The following CACNA1B variants were observed in gnomAD, a reference collection of about 807,000 sequenced individuals.
The protein encoded by CACNA1B is calcium voltage-gated channel subunit alpha1 B, also known as voltage-dependent N-type calcium channel subunit alpha-1B.
A neutral mutation model predicts 247.2 loss-of-function variants in CACNA1B; 70 were observed. The observed-to-expected ratio is 0.28, with a 90% CI of 0.23 to 0.35. CACNA1B has a LOEUF of 0.35. Ranked by LOEUF, CACNA1B falls within the 10% of genes least tolerant of loss-of-function variation. The pLI, the probability that CACNA1B is intolerant of heterozygous loss-of-function variation, is 1.00. For synonymous variants in CACNA1B, 1,231 were observed against 1,294.4 expected, an observed-to-expected ratio of 0.95 and a Z score of 1.05; for missense variants, 2,367 against 3,197.4, an observed-to-expected ratio of 0.74 and a Z score of 6.26.
chr9:138,108,216 G>A (rs1346644770), intron 39 of CACNA1B, among the ~76,000 whole-genome samples: 2 of 148,084 alleles, frequency 1.4e-5, no homozygotes, highest in African/African-American at 5.0e-5. Flanking sequence ...GAACGCCTGT[G>A]CTCCCAGCTG....
chr9:138,060,874 C>G (rs184522402), intron 31 of CACNA1B, among the ~76,000 whole-genome samples: 2 of 152,150 alleles, frequency 1.3e-5, no homozygotes, highest in Non-Finnish European at 2.9e-5. Context: ...CCGTTCCCCC[C>G]ACCCTTTCTA....
chr9:138,120,354 T>C lies in CACNA1B; in HGVS notation c.6220T>C (p.Ser2074Pro). Residue 2074 changes from serine (S) to proline (P), a missense_variant, in exon 45 of 47, where the codon TCT (serine) becomes CCT (proline). Physicochemically the swap from Ser to Pro is moderately conservative, Grantham distance 74. Transcript: ENST00000371372. ...GTCCCTGGAGAAGGGGCCCAGCCTG[T>C]CTGCCGATATGGATGGCGGTGCGTG... Reference protein sequence around the residue: ...QRSLEKGPSLSADMDGAPSSA... With the variant: ...QRSLEKGPSLPADMDGAPSSA... 1 of 1,555,204 alleles carries C rather than the reference T, an allele frequency of 6.4e-7. No homozygotes were observed. The highest frequency in any genetic ancestry group is 8.6e-7 in the Non-Finnish European group (1 of 1,156,556).
In CACNA1B at chr9:138,059,108, G is replaced by A. The variant is rs1388466870; in HGVS notation, c.4503G>A (p.Leu1501=). 5 of 1,612,466 alleles carry A rather than the reference G, an allele frequency of 3.1e-6. No individual in the cohort carries two copies. The highest frequency in any genetic ancestry group is 4.2e-6 in the Non-Finnish European group (5 of 1,178,684). The part of the protein sequence containing the change: ...KFYDAPYEYE[L]MLKCLNIVFT... ...ATGATGCACCCTATGAGTACGAGCT[G>A]ATGCTGAAATGCCTGAACATCGTGT... The change falls in exon 30 of 47, where the codon CTG becomes CTA. Residue 1501 remains leucine (L), a synonymous_variant. Coordinates refer to ENST00000371372, the MANE Select transcript of CACNA1B (RefSeq NM_000718.4). The surrounding 1 kb of genome is among the most constrained non-coding windows in gnomAD (Gnocchi z 4.2).
At chr9:137,958,742 A>G (rs1392913500) in intron 10 of CACNA1B, among the ~76,000 whole-genome samples, 1 of 152,168 alleles carries the variant, frequency 6.6e-6, no homozygotes, top group Non-Finnish European at 1.5e-5. Flanking sequence ...GCGACCCCAC[A>G]TTCCATCCAC....
At position 137,919,693 on chromosome 9, in the gene CACNA1B, C is replaced by T. The variant is rs1305845004; in HGVS notation, c.966+2262C>T. Among the ~76,000 whole-genome samples the T allele has an allele frequency of 2.0e-5, 3 of 152,246 alleles. No individual in the cohort carries two copies. The highest frequency in any genetic ancestry group is 3.8e-4 in the East Asian group (2 of 5,200). On this transcript the variant is annotated intron_variant, in intron 6 of 46. Coordinates refer to ENST00000371372, the MANE Select transcript of CACNA1B (RefSeq NM_000718.4). This position sits in a 1 kb window ranked among gnomAD's most constrained non-coding sequence, Gnocchi z 4.6. ...TGGGTTCTTTGTGGGCGGAAGCCCA[C>T]GGCCTGCAGTAGGGGTGGAGGCAGA...
chr9:138,052,232 G>A lies in CACNA1B; in HGVS notation c.3807+44G>A, dbSNP rs779130536. The A allele has an allele frequency of 1.2e-5, 12 of 1,034,126 alleles. No homozygotes were observed. Among genetic ancestry groups the A allele is most frequent in the Non-Finnish European group, 1.8e-5 (12 of 675,642 alleles). The allele number at this position is 1,034,126 out of a possible 1,614,324, so 64.1% of individuals were successfully genotyped here. On this transcript the variant is annotated intron_variant, in intron 25 of 46. Coordinates refer to ENST00000371372, the MANE Select transcript of CACNA1B (RefSeq NM_000718.4). This position sits in a 1 kb window ranked among gnomAD's most constrained non-coding sequence, Gnocchi z 5.1. The stretch of plus-strand genomic sequence containing the variant: ...GGCTTGAGGGATGTGCTGTGTGTGT[G>A]TGCGTGTGTGTGTGTGCGTGTGTGT...
At position 138,052,868 on chromosome 9, in the gene CACNA1B, G is replaced by C. The variant is rs1479132259; in HGVS notation, c.3807+680G>C. 4.6e-5 allele frequency among the ~76,000 whole-genome samples: 7 copies of C among 152,212 alleles called. No homozygotes were observed. Among genetic ancestry groups the C allele is most frequent in the South Asian group, 2.1e-4 (1 of 4,836 alleles). ...CCCTGGCACCGAGTGGCGCTGTGCA[G>C]TGGTCATCCACAGTGTGCCAGGCTG... On this transcript the variant is annotated intron_variant, in intron 25 of 46. Transcript: ENST00000371372. The surrounding 1 kb of genome is among the most constrained non-coding windows in gnomAD (Gnocchi z 5.1).
In CACNA1B at chr9:138,052,316, G is replaced by T. The variant is rs1459852174; in HGVS notation, c.3807+128G>T. ...GTTCACATCACACCCCTGTGTGAGG[G>T]GGTTGGGCTCACTCAGCTGTAAGCC... On this transcript the variant is annotated intron_variant, in intron 25 of 46. Transcript: ENST00000371372. The surrounding 1 kb of genome is among the most constrained non-coding windows in gnomAD (Gnocchi z 5.1). 1 of 613,846 alleles carries T rather than the reference G, an allele frequency of 1.6e-6. No homozygotes were observed. Among genetic ancestry groups the T allele is most frequent in the South Asian group, 1.9e-5 (1 of 53,932 alleles). 38.0% of individuals were successfully genotyped at this position (613,846 alleles called of 1,614,324 possible). A position where few individuals can be genotyped will look rare whatever the true frequency, so the allele number is the denominator to read the frequency against.
chr9:138,081,251 G>A (rs754024526), intron 36 of CACNA1B, among the ~76,000 whole-genome samples: 2 of 152,316 alleles, frequency 1.3e-5, no homozygotes, highest in South Asian at 2.1e-4. Context: ...AGGATGAGTC[G>A]AGGAATCCTT....
intron 32 of CACNA1B, among the ~76,000 whole-genome samples, chr9:138,071,093 G>T (rs1325646026): frequency 1.3e-5 from 2 of 152,250 alleles, no homozygotes; most frequent in African/African-American, 4.8e-5. Context: ...ACGGTGTCCT[G>T]CAGTGCTAAG....
At chr9:137,911,328 G>T (rs1011660541) in intron 3 of CACNA1B, among the ~76,000 whole-genome samples, 8 of 151,986 alleles carry the variant, frequency 5.3e-5, no homozygotes, top group African/African-American at 1.9e-4. Context: ...CGTAGCATTG[G>T]GCTTCCTCAG....
intron 10 of CACNA1B, among the ~76,000 whole-genome samples, chr9:137,959,316 A>T (rs1957984442): frequency 6.6e-6 from 1 of 152,082 alleles, no homozygotes; most frequent in East Asian, 1.9e-4. Context: ...CAGGTGATCT[A>T]CCCACCTTGG....
chr9:138,106,144 G>A (rs944899049), intron 39 of CACNA1B, among the ~76,000 whole-genome samples: 6 of 152,194 alleles, frequency 3.9e-5, no homozygotes, highest in African/African-American at 1.4e-4. Context: ...CCCTGGGGAC[G>A]AGCCTGCATG....
intron 6 of CACNA1B, among the ~76,000 whole-genome samples, chr9:137,929,839 A>C (rs1957589309): frequency 6.6e-6 from 1 of 151,986 alleles, no homozygotes; most frequent in Non-Finnish European, 1.5e-5. Flanking sequence ...TTTTTTGTAG[A>C]GATGAGGTCT....
intron 34 of CACNA1B, among the ~76,000 whole-genome samples, chr9:138,074,874 C>G (rs929184440): frequency 6.6e-6 from 1 of 152,192 alleles, no homozygotes; most frequent in East Asian, 1.9e-4. Flanking sequence ...TGACCCGCGG[C>G]GGGGGTTACA....
intron 12 of CACNA1B, among the ~76,000 whole-genome samples, chr9:137,977,941 C>A (rs939363386): frequency 6.8e-5 from 10 of 147,750 alleles, no homozygotes; most frequent in Non-Finnish European, 9.0e-5. Flanking sequence ...GGGAGCACTA[C>A]CCCCCCCAGG....
At position 138,010,890 on chromosome 9, in the gene CACNA1B, C is replaced by A. The variant is rs1045197773; in HGVS notation, c.2160+813C>A. 3.3e-5 allele frequency among the ~76,000 whole-genome samples: 5 copies of A among 152,186 alleles called. No homozygotes were observed. The highest frequency in any genetic ancestry group is 1.2e-4 in the African/African-American group (5 of 41,440). On this transcript the variant is annotated intron_variant, in intron 17 of 46. Coordinates refer to ENST00000371372, the MANE Select transcript of CACNA1B (RefSeq NM_000718.4). The surrounding 1 kb of genome is among the most constrained non-coding windows in gnomAD (Gnocchi z 5.3). ...AGAGAGGCAGGTTCAGGATTTCTGTCCATGGGCAGCAGAGATGCAGGTGTG... is the reference window on the plus strand; with the variant it reads ...AGAGAGGCAGGTTCAGGATTTCTGTACATGGGCAGCAGAGATGCAGGTGTG...
chr9:137,914,115 C>T lies in CACNA1B; in HGVS notation c.623-539C>T, dbSNP rs1402911355. ...GTCTGTTAGGAATACCTGTACTTCT[C>T]CCCCAGGATCCCCTGCTCTTCCCTC... On this transcript the variant is annotated intron_variant, in intron 4 of 46. Transcript: ENST00000371372. The surrounding 1 kb of genome is among the most constrained non-coding windows in gnomAD (Gnocchi z 4.3). Among the ~76,000 whole-genome samples the T allele has an allele frequency of 6.6e-6, 1 of 152,088 alleles. No individual in the cohort carries two copies. Among genetic ancestry groups the T allele is most frequent in the Non-Finnish European group, 1.5e-5 (1 of 67,994 alleles).
intron 31 of CACNA1B, among the ~76,000 whole-genome samples, chr9:138,068,143 A>G (rs1209681000): frequency 1.3e-5 from 2 of 152,186 alleles, no homozygotes; most frequent in East Asian, 3.9e-4. Flanking sequence ...ATCCCACAAC[A>G]AAGGCCAGGG....
Sources: allele counts gnomAD v4.1 joint callset (sites outside exome capture counted in the v4.1 genomes callset), GRCh38; gene constraint gnomAD v4.1.1; non-coding constraint Gnocchi (gnomAD v3.1); transcripts MANE v1.5; gene names NCBI Gene and HGNC (gene_info 2026-07-23, HGNC 2026-07-21).